The following GRB2 variants were observed in gnomAD, a reference collection of about 807,000 sequenced individuals.
The protein encoded by GRB2 is growth factor receptor-bound protein 2.
GRB2 carries 2 observed loss-of-function variants against 27.4 expected under a neutral mutation model. The ratio of observed to expected loss-of-function variants is 0.07; its 90% CI spans 0.03 to 0.23. The LOEUF (loss-of-function observed/expected upper bound fraction) is 0.23, where lower values mean the gene tolerates loss of function less well. Among genes scored for constraint, GRB2 ranks in the 10% least tolerant of loss-of-function variants. GRB2 has a pLI of 1.00. For missense variants in GRB2, 102 were observed against 282.4 expected (o/e 0.36, Z 4.58); for synonymous variants, 94 against 99.6 (o/e 0.94, Z 0.33).
At chr17:75,340,919 G>A (rs1227389124) in intron 2 of GRB2, among the ~76,000 whole-genome samples, 1 of 152,092 alleles carries the variant, frequency 6.6e-6, no homozygotes, top group Admixed American at 6.6e-5. Flanking sequence ...TAAGGTTTCT[G>A]GTCCCACAGA....
intron 3 of GRB2, among the ~76,000 whole-genome samples, chr17:75,329,618 G>A (rs2078525612): frequency 6.6e-6 from 1 of 152,192 alleles, no homozygotes; most frequent in African/African-American, 2.4e-5. Context: ...GGCACCAGGT[G>A]CAGTTGCTCA....
intron 4 of GRB2, among the ~76,000 whole-genome samples, chr17:75,324,515 T>G (rs1206341105): frequency 1.7e-5 from 1 of 58,656 alleles, no homozygotes; most frequent in African/African-American, 4.7e-5. Flanking sequence ...CAGTTTTTTT[T>G]TTTTTTTTTT....
rs2078671801 is a variant in GRB2, at chr17:75,349,003, T to C, written c.79-16206A>G. Among the ~76,000 whole-genome samples, 3 of 152,196 alleles carry C rather than the reference T, an allele frequency of 2.0e-5. No individual in the cohort carries two copies. The South Asian group carries it at 6.2e-4, about 32-fold the overall frequency. Reference sequence around the variant, plus strand: ...GCAACATGTTTCTAAATTAGCTGCATGGCTGACATGGAAAATTCAACTCAT... The same window carrying C: ...GCAACATGTTTCTAAATTAGCTGCACGGCTGACATGGAAAATTCAACTCAT... On this transcript the variant is annotated intron_variant, in intron 2 of 5. Transcript: ENST00000316804.
chr17:75,346,222 A>C (rs2078654081), intron 2 of GRB2, among the ~76,000 whole-genome samples: 1 of 149,766 alleles, frequency 6.7e-6, no homozygotes, highest in Non-Finnish European at 1.5e-5. Flanking sequence ...GGCTGGGCAC[A>C]GTGGCTGATG....
In GRB2 at chr17:75,320,128, G is replaced by C. The variant is rs2078448311; in HGVS notation, c.*240C>G. ...AAAAAAGACAAAGGAGGGGAAAGAG[G>C]AGCAGCAGTGAAAATTTGTAATAAA... On this transcript the variant is annotated 3_prime_UTR_variant, in exon 6 of 6. Coordinates refer to ENST00000316804, the MANE Select transcript of GRB2 (RefSeq NM_002086.5). This position sits in a 1 kb window ranked among gnomAD's most constrained non-coding sequence, Gnocchi z 4.3. 6.7e-6 allele frequency: 3 copies of C among 447,974 alleles called. No homozygotes were observed. Among genetic ancestry groups the C allele is most frequent in the South Asian group, 3.0e-5 (1 of 33,610 alleles). The allele number at this position is 447,974 out of a possible 1,614,324, so 27.7% of individuals were successfully genotyped here. A position where few individuals can be genotyped will look rare whatever the true frequency, so the allele number is the denominator to read the frequency against.
chr17:75,341,881 C>T (rs2078623821), intron 2 of GRB2, among the ~76,000 whole-genome samples: 1 of 152,144 alleles, frequency 6.6e-6, no homozygotes, highest in African/African-American at 2.4e-5. Context: ...TGTTAAAAAG[C>T]CGTAAGTATC....
intron 2 of GRB2, among the ~76,000 whole-genome samples, chr17:75,363,259 T>C (rs1266801099): frequency 6.6e-6 from 1 of 152,170 alleles, no homozygotes; most frequent in Non-Finnish European, 1.5e-5. Flanking sequence ...ATGTGTGCCC[T>C]GTACCCACTC....
At chr17:75,403,267 T>TG (rs904465130) in intron 1 of GRB2, among the ~76,000 whole-genome samples, 2 of 151,486 alleles carry the variant, frequency 1.3e-5, no homozygotes, top group African/African-American at 4.8e-5. Flanking sequence ...GAGGGCATGG[T>TG]GACTCTCTAT....
chr17:75,368,498 T>C (rs891437614), intron 2 of GRB2, among the ~76,000 whole-genome samples: 1 of 151,904 alleles, frequency 6.6e-6, no homozygotes, highest in Non-Finnish European at 1.5e-5. Context: ...GCTGGGATTA[T>C]AGGCGTGACC....
chr17:75,349,433 C>T (rs189795490), intron 2 of GRB2, among the ~76,000 whole-genome samples: 83 of 151,522 alleles, frequency 5.5e-4, no homozygotes, highest in African/African-American at 1.8e-3. Flanking sequence ...CAGAAACCTT[C>T]GAGGACACAT....
Position 75,338,884 on chromosome 17 carries a change from C to A in GRB2, c.79-6087G>T, listed in dbSNP as rs1299554751. On this transcript the variant is annotated intron_variant, in intron 2 of 5. Coordinates refer to ENST00000316804, the MANE Select transcript of GRB2 (RefSeq NM_002086.5). Reference sequence around the variant, plus strand: ...CTCTAAGAAGTGTGGCAAGCATCAACCCCACAAAGTGACACAGTACAAGAA... The same window carrying A: ...CTCTAAGAAGTGTGGCAAGCATCAAACCCACAAAGTGACACAGTACAAGAA... 7 of 822,586 alleles carry A rather than the reference C, an allele frequency of 8.5e-6. No individual in the cohort carries two copies. The East Asian group carries it at 1.5e-4, about 17-fold the overall frequency. The allele number at this position is 822,586 out of a possible 1,614,324, so 51.0% of individuals were successfully genotyped here.
intron 1 of GRB2, among the ~76,000 whole-genome samples, chr17:75,402,195 T>C (rs940400046): frequency 6.6e-6 from 1 of 152,198 alleles, no homozygotes; most frequent in Non-Finnish European, 1.5e-5. Flanking sequence ...ACTATGGTAC[T>C]GAGAGTGAAA....
In GRB2 at chr17:75,344,130, T is replaced by C. The variant is rs891970685; in HGVS notation, c.79-11333A>G. Reference sequence around the variant, plus strand: ...CTTCCAAACACCAAAGACGATGACTTAACTCCAGGTTAGGGGGTATCAGGA... The same window carrying C: ...CTTCCAAACACCAAAGACGATGACTCAACTCCAGGTTAGGGGGTATCAGGA... On this transcript the variant is annotated intron_variant, in intron 2 of 5. Transcript: ENST00000316804. Among the ~76,000 whole-genome samples, 73 of 152,226 alleles carry C rather than the reference T, an allele frequency of 4.8e-4. 1 individual carries two copies. Among genetic ancestry groups the C allele is most frequent in the African/African-American group, 1.7e-3 (71 of 41,540 alleles).
chr17:75,377,254 G>A (rs760125638), intron 2 of GRB2, among the ~76,000 whole-genome samples: 7 of 152,080 alleles, frequency 4.6e-5, no homozygotes, highest in Non-Finnish European at 7.4e-5. Context: ...CCAGGAGTTC[G>A]AGGCTGCAAT....
chr17:75,401,854 G>A (rs1168175796), intron 1 of GRB2, among the ~76,000 whole-genome samples: 1 of 152,208 alleles, frequency 6.6e-6, no homozygotes, highest in African/African-American at 2.4e-5. Flanking sequence ...ACTATAGTGT[G>A]GGCTGTGATG....
chr17:75,329,221 C>T (rs1487439112), intron 3 of GRB2, among the ~76,000 whole-genome samples: 1 of 152,074 alleles, frequency 6.6e-6, no homozygotes, highest in Non-Finnish European at 1.5e-5. Flanking sequence ...GGCTCTCTTT[C>T]CTCCTAGGCC....
chr17:75,326,199 A>G, intron 3 of GRB2, 179 bp from the exon 4 acceptor site: 2 of 646,000 alleles, frequency 3.1e-6, no homozygotes, highest in Non-Finnish European at 5.4e-6. Context: ...TGGACCTTCA[A>G]AGGTCTTTAG....
chr17:75,345,445 G>C (rs996773525), intron 2 of GRB2, among the ~76,000 whole-genome samples: 1 of 152,158 alleles, frequency 6.6e-6, no homozygotes, highest in Non-Finnish European at 1.5e-5. Flanking sequence ...AGCCACCTCA[G>C]AGGATGTTAT....
intron 2 of GRB2, among the ~76,000 whole-genome samples, chr17:75,364,259 T>C (rs1375099303): frequency 1.3e-5 from 2 of 152,178 alleles, no homozygotes; most frequent in Non-Finnish European, 2.9e-5. Context: ...TCCTTCACAG[T>C]AGTGGCTGTG....
Sources: allele counts gnomAD v4.1 joint callset (sites outside exome capture counted in the v4.1 genomes callset), GRCh38; gene constraint gnomAD v4.1.1; non-coding constraint Gnocchi (gnomAD v3.1); transcripts MANE v1.5; gene names NCBI Gene and HGNC (gene_info 2026-07-23, HGNC 2026-07-21).